PRKACB: variants seen among roughly 807,000 people sequenced by gnomAD.
PRKACB encodes the protein cAMP-dependent protein kinase catalytic subunit beta.
PRKACB carries 16 observed loss-of-function variants against 51.4 expected under a neutral mutation model. That is an observed-to-expected ratio of 0.31 (90% CI 0.21 to 0.47). The LOEUF is 0.47. Among genes scored for constraint, PRKACB ranks in the 20% least tolerant of loss-of-function variants. The probability of loss-of-function intolerance (pLI) is 1.00; values close to 1 mark genes in which losing one functional copy is unlikely to be tolerated. For synonymous variants in PRKACB, 147 were observed against 154.4 expected (o/e 0.95, Z 0.35); for missense variants, 309 against 464.5 (o/e 0.67, Z 3.08).
In PRKACB at chr1:84,182,346, T is replaced by A; in HGVS notation, c.378+18T>A. 6.6e-7 allele frequency: 1 copy of A among 1,510,654 alleles called. No individual in the cohort carries two copies. The highest frequency in any genetic ancestry group is 8.9e-7 in the Non-Finnish European group (1 of 1,128,026). 93.6% of individuals were successfully genotyped at this position (1,510,654 alleles called of 1,614,324 possible). On this transcript the variant is annotated intron_variant, in intron 3 of 9. Coordinates refer to ENST00000370685, the MANE Select transcript of PRKACB (RefSeq NM_182948.4). ...AGCAGAAGGTGAGTGTATTTGTTGT[T>A]ATTTACCTTCAGGGTAAACTTTAGT... is the stretch of plus-strand genomic sequence containing the variant.
intron 1 of PRKACB, among the ~76,000 whole-genome samples, chr1:84,133,282 G>A (rs1652442223): frequency 6.6e-6 from 1 of 152,074 alleles, no homozygotes; most frequent in Non-Finnish European, 1.5e-5. Context: ...TTATATATCT[G>A]TGAAATTAAC....
Position 84,117,798 on chromosome 1 carries a change from T to C in PRKACB, c.46+39427T>C, listed in dbSNP as rs756169746. Among the ~76,000 whole-genome samples, 16 of 152,218 alleles carry C rather than the reference T, an allele frequency of 1.1e-4. 1 individual carries two copies. Among genetic ancestry groups the C allele is most frequent in the Non-Finnish European group, 1.9e-4 (13 of 68,036 alleles). On this transcript the variant is annotated intron_variant, in intron 1 of 8. Coordinates refer to the PRKACB transcript ENST00000370688. ...AAGCCTCTATTTCATTTAATTCTGCTCTGACTTTGTTTCTTTTCTTCAGCT... is the reference window on the plus strand; with the variant it reads ...AAGCCTCTATTTCATTTAATTCTGCCCTGACTTTGTTTCTTTTCTTCAGCT...
At chr1:84,116,408 T>C (rs1023356075) in intron 1 of PRKACB, among the ~76,000 whole-genome samples, 2 of 152,176 alleles carry the variant, frequency 1.3e-5, no homozygotes, top group African/African-American at 4.8e-5. Flanking sequence ...GATATGATTA[T>C]GTTGAGTCTG....
chr1:84,211,968 A>G (rs1163792462), intron 8 of PRKACB, among the ~76,000 whole-genome samples: 5 of 152,160 alleles, frequency 3.3e-5, no homozygotes, highest in African/African-American at 1.2e-4. Flanking sequence ...TTGAGTTGCT[A>G]ATTTATATGA....
chr1:84,184,234 T>C, intron 4 of PRKACB, 99 bp downstream of exon 4: 1 of 1,041,786 alleles, frequency 9.6e-7, no homozygotes, highest in South Asian at 2.0e-5. Context: ...GCCTGAAGAA[T>C]ATGAATAAAC....
intron 1 of PRKACB, among the ~76,000 whole-genome samples, chr1:84,178,107 G>A (rs1661966032): frequency 6.6e-6 from 1 of 151,950 alleles, no homozygotes; most frequent in South Asian, 2.1e-4. Context: ...TTTTTGGTTA[G>A]TAACAGTATT....
intron 9 of PRKACB, among the ~76,000 whole-genome samples, chr1:84,231,395 G>GTC (rs1198624295): frequency 1.3e-5 from 2 of 152,106 alleles, no homozygotes; most frequent in Admixed American, 6.5e-5. Flanking sequence ...TTTTGGTTGT[G>GTC]TCTCTGCCTG....
intron 1 of PRKACB, among the ~76,000 whole-genome samples, chr1:84,081,553 A>G (rs913238463): frequency 6.6e-6 from 1 of 152,162 alleles, no homozygotes. Context: ...CAGCTAATAC[A>G]GAGAAACATA....
chr1:84,176,595 T>C (rs962306057), intron 1 of PRKACB, among the ~76,000 whole-genome samples: 10 of 123,730 alleles, frequency 8.1e-5, no homozygotes. Context: ...TGTGTAGATA[T>C]TTTTATATGA....
chr1:84,127,667 T>G (rs994558125), intron 1 of PRKACB, among the ~76,000 whole-genome samples: 1 of 151,842 alleles, frequency 6.6e-6, no homozygotes, highest in African/African-American at 2.4e-5. Flanking sequence ...ATTTGATAGC[T>G]ATAGACAATA....
intron 1 of PRKACB, among the ~76,000 whole-genome samples, chr1:84,090,230 ATAT>A (rs1434596591): frequency 6.6e-6 from 1 of 152,130 alleles, no homozygotes; most frequent in Admixed American, 6.5e-5. Context: ...CTAAGTCATG[ATAT>A]TATGTCATAT....
intron 8 of PRKACB, chr1:84,204,666 A>G (rs2101481447): frequency 1.8e-6 from 2 of 1,082,406 alleles, no homozygotes; most frequent in African/African-American, 3.3e-5. Context: ...ACAAAAACTA[A>G]GAATGTAAAT....
intron 1 of PRKACB, among the ~76,000 whole-genome samples, chr1:84,113,896 A>G (rs1650427863): frequency 6.6e-6 from 1 of 152,190 alleles, no homozygotes; most frequent in South Asian, 2.1e-4. Flanking sequence ...GATGAGAAAA[A>G]TGATACAGTA....
intron 1 of PRKACB, among the ~76,000 whole-genome samples, chr1:84,126,573 T>C (rs765948501): frequency 1.3e-5 from 2 of 152,112 alleles, no homozygotes; most frequent in Non-Finnish European, 2.9e-5. Context: ...ACAGCCAACA[T>C]GGTTTTGGAA....
In PRKACB at chr1:84,202,650, G is replaced by A. The variant is rs763917074; in HGVS notation, c.784-33G>A. ...CTTCATTCTCTTTTGAGTAACTTAA[G>A]TAACAATTGACATTGGTGTTGGTTT... On this transcript the variant is annotated intron_variant, in intron 7 of 9. Transcript: ENST00000370685. 2.2e-5 allele frequency: 35 copies of A among 1,558,476 alleles called. 1 individual carries two copies. In the South Asian group the frequency reaches 3.8e-4, roughly 17 times the overall value.
At chr1:84,206,816 A>G (rs1671410116) in intron 8 of PRKACB, among the ~76,000 whole-genome samples, 1 of 152,194 alleles carries the variant, frequency 6.6e-6, no homozygotes, top group Admixed American at 6.5e-5. Flanking sequence ...CACTGGTACT[A>G]TTCAAGTTGC....
intron 1 of PRKACB, among the ~76,000 whole-genome samples, chr1:84,162,923 AG>A (rs1348989304): frequency 2.6e-5 from 4 of 151,738 alleles, no homozygotes; most frequent in Non-Finnish European, 4.4e-5. Flanking sequence ...TTTTTCCCTG[AG>A]GGTTGGTTTT....
chr1:84,185,473 T>C (rs1266473170), intron 5 of PRKACB, among the ~76,000 whole-genome samples: 6 of 151,752 alleles, frequency 4.0e-5, no homozygotes, highest in Non-Finnish European at 7.4e-5. Context: ...TAATTGAATT[T>C]TAAAATATCA....
rs1220750170 is a variant in PRKACB, at chr1:84,175,152, T to G, written c.188-4025T>G. The G allele has an allele frequency of 2.7e-6, 3 of 1,121,736 alleles. No homozygotes were observed. The African/African-American group carries it at 4.9e-5, about 18-fold the overall frequency. The allele number at this position is 1,121,736 out of a possible 1,614,324, so 69.5% of individuals were successfully genotyped here. The stretch of plus-strand genomic sequence containing the variant: ...TTTTCCTTATAAAGTTATATATTTT[T>G]AAGTATATCAAGTTAATGAAATATT... On this transcript the variant is annotated intron_variant, in intron 1 of 9. Transcript: ENST00000370685.
Sources: allele counts gnomAD v4.1 joint callset (sites outside exome capture counted in the v4.1 genomes callset), GRCh38; gene constraint gnomAD v4.1.1; transcripts MANE v1.5; gene names NCBI Gene and HGNC (gene_info 2026-07-23, HGNC 2026-07-21).